Variants in EML6 observed in about 807,000 individuals in gnomAD.
EML6 encodes the protein echinoderm microtubule-associated protein-like 6.
EML6 carries 154 observed loss-of-function variants against 240.1 expected under a neutral mutation model. That is an observed-to-expected ratio of 0.64 (90% confidence interval 0.56 to 0.73). EML6 has a LOEUF of 0.73. Among genes scored for constraint, EML6 ranks in the 30% least tolerant of loss-of-function variants. The probability of loss-of-function intolerance (pLI) is 0.00; values close to 1 mark genes in which losing one functional copy is unlikely to be tolerated. For missense variants in EML6, 2,964 were observed against 2,474.6 expected, an observed-to-expected ratio of 1.20 and a Z score of -4.20; for synonymous variants, 1,148 against 899.0, an observed-to-expected ratio of 1.28 and a Z score of -4.95.
At chr2:54,855,786 C>CTT (rs562351503) in intron 11 of EML6, among the ~76,000 whole-genome samples, 110 of 152,222 alleles carry the variant, frequency 7.2e-4, no homozygotes, top group African/African-American at 2.2e-3. Flanking sequence ...GACATTCAGG[C>CTT]TTTTGTGTCC....
intron 9 of EML6, among the ~76,000 whole-genome samples, 171 bp from the exon 10 acceptor site, chr2:54,849,791 G>A (rs1323125536): frequency 1.3e-5 from 2 of 152,136 alleles, no homozygotes; most frequent in Non-Finnish European, 2.9e-5. Context: ...CCCGGCCAAT[G>A]CCATAAATTT....
intron 28 of EML6, 25 bp downstream of exon 28, chr2:54,928,776 C>G: frequency 2.6e-6 from 4 of 1,551,522 alleles, no homozygotes; most frequent in Non-Finnish European, 2.6e-6. Flanking sequence ...GGTTTGCTTG[C>G]TTTTATTATA....
chr2:54,725,286 A>G lies in EML6; in HGVS notation c.197+28A>G, dbSNP rs923622528. 2.9e-6 allele frequency: 4 copies of G among 1,365,278 alleles called. No individual in the cohort carries two copies. The highest frequency in any genetic ancestry group is 3.0e-5 in the Admixed American group (1 of 33,558). The allele number at this position is 1,365,278 out of a possible 1,614,324, so 84.6% of individuals were successfully genotyped here. A position where few individuals can be genotyped will look rare whatever the true frequency, so the allele number is the denominator to read the frequency against. The stretch of plus-strand genomic sequence containing the variant: ...AAGGGGGTGGCCAGGGGCGGCGGGG[A>G]GGGGTTGCGTGTGGAGGCTGGGAAG... On this transcript the variant is annotated intron_variant, in intron 2 of 41. Coordinates refer to ENST00000356458, the MANE Select transcript of EML6 (RefSeq NM_001039753.4). The surrounding 1 kb of genome is among the most constrained non-coding windows in gnomAD (Gnocchi z 4.3).
intron 3 of EML6, 36 bp from the exon 4 acceptor site, chr2:54,816,751 C>T: frequency 1.4e-6 from 2 of 1,413,060 alleles, no homozygotes; most frequent in Non-Finnish European, 2.0e-6. Context: ...GTCTTCCCAT[C>T]ACTTTTAGGT....
At chr2:54,830,221 A>G (rs924694368) in intron 7 of EML6, among the ~76,000 whole-genome samples, 5 of 152,186 alleles carry the variant, frequency 3.3e-5, no homozygotes, top group Non-Finnish European at 7.3e-5. Context: ...CAGCCGAGAA[A>G]GATTAAAGTG....
In EML6 at chr2:54,895,040, A is replaced by G; in HGVS notation, c.2854+14A>G. ...CTAGCTCAAAAGGTGCCACTCCCAA[A>G]CATGTAATAGAGATCTTTGTATTCA... On this transcript the variant is annotated intron_variant, in intron 20 of 41. Coordinates refer to ENST00000356458, the MANE Select transcript of EML6 (RefSeq NM_001039753.4). 6.6e-7 allele frequency: 1 copy of G among 1,519,310 alleles called. No homozygotes were observed. Among genetic ancestry groups the G allele is most frequent in the Non-Finnish European group, 8.9e-7 (1 of 1,117,490 alleles). The allele number at this position is 1,519,310 out of a possible 1,614,324, so 94.1% of individuals were successfully genotyped here. A position where few individuals can be genotyped will look rare whatever the true frequency, so the allele number is the denominator to read the frequency against.
chr2:54,907,718 G>A (rs1057265097), intron 24 of EML6, among the ~76,000 whole-genome samples: 19 of 152,078 alleles, frequency 1.2e-4, no homozygotes, highest in Admixed American at 1.2e-3. Context: ...TAAGGACATG[G>A]GTGTCTTTCA....
rs562103533 is a variant in EML6, at chr2:54,745,850, G to A, written c.197+20592G>A. Among the ~76,000 whole-genome samples the A allele has an allele frequency of 6.6e-5, 10 of 152,326 alleles. No homozygotes were observed. The South Asian group carries it at 2.1e-3, about 32-fold the overall frequency. On this transcript the variant is annotated intron_variant, in intron 2 of 41. Transcript: ENST00000356458. ...CCTTTAACTACTGAGGAGAGGAGAA[G>A]AAGCATGAAGGGGCCTGAGCAGGAG...
chr2:54,950,657 C>G lies in EML6; in HGVS notation c.4091C>G (p.Ala1364Gly). The change falls in exon 30 of 42, where the codon GCT becomes GGT. Residue 1364 changes from alanine (A) to glycine (G), a missense_variant. By Grantham distance (60) the Ala-to-Gly change is moderately conservative. Coordinates refer to ENST00000356458, the MANE Select transcript of EML6 (RefSeq NM_001039753.4). Reference sequence around the variant, plus strand: ...CTGTGTGTGTGAATGCAGGAGCTGGCTCTAGACCACGTGTTTGGCTACAGA... The same window carrying G: ...CTGTGTGTGTGAATGCAGGAGCTGGGTCTAGACCACGTGTTTGGCTACAGA... The part of the protein sequence containing the change: ...TKKKKLVEEL[A>G]LDHVFGYRGF... The G allele has an allele frequency of 1.9e-6, 3 of 1,551,604 alleles. No individual in the cohort carries two copies. The South Asian group carries it at 3.6e-5, about 18-fold the overall frequency.
chr2:54,868,449 T>C (rs757943566), intron 14 of EML6: 3 of 152,226 alleles, frequency 2.0e-5, no homozygotes, highest in Non-Finnish European at 4.4e-5. Flanking sequence ...GAGTCTATTC[T>C]CAGTTCTCAT....
At chr2:54,882,635 G>A (rs1358799829) in intron 17 of EML6, 1 of 152,036 alleles carries the variant, frequency 6.6e-6, no homozygotes, top group Non-Finnish European at 1.5e-5. Context: ...AAGGCGTGCG[G>A]ATCACGAGGT....
intron 4 of EML6, among the ~76,000 whole-genome samples, chr2:54,817,512 C>T (rs1668132785): frequency 1.3e-5 from 2 of 152,028 alleles, no homozygotes; most frequent in African/African-American, 4.8e-5. Context: ...ACTTGAATTC[C>T]TAGTTGTTTT....
At chr2:54,897,237 C>G (rs1208180663) in intron 21 of EML6, among the ~76,000 whole-genome samples, 1 of 152,146 alleles carries the variant, frequency 6.6e-6, no homozygotes, top group Admixed American at 6.5e-5. Context: ...TTTTGTTACA[C>G]TTGAGGTAGT....
rs1670232366 is a variant in EML6 at position 54,853,950 on chromosome 2, ACT to A, written c.1657+96_1657+97del. 1.2e-5 allele frequency: 8 copies of A among 656,362 alleles called. No homozygotes were observed. The East Asian group carries it at 2.5e-4, about 20-fold the overall frequency. The allele number at this position is 656,362 out of a possible 1,614,324, so 40.7% of individuals were successfully genotyped here. A position where few individuals can be genotyped will look rare whatever the true frequency, so the allele number is the denominator to read the frequency against. On this transcript the variant is annotated intron_variant, in intron 11 of 41. Coordinates refer to ENST00000356458, the MANE Select transcript of EML6 (RefSeq NM_001039753.4). ...ATCTTCCTGCTGTCTATTCCAATGC[ACT>A]GTTTATTTTATCTTGTATATTCTTA...
intron 6 of EML6, among the ~76,000 whole-genome samples, chr2:54,828,030 T>C (rs535927274): frequency 1.2e-4 from 18 of 152,370 alleles, no homozygotes; most frequent in African/African-American, 3.6e-4. Flanking sequence ...ATTCATCTTA[T>C]AGGCACTTCT....
At chr2:54,960,836 G>A (rs1396214028) in intron 35 of EML6, among the ~76,000 whole-genome samples, 1 of 152,098 alleles carries the variant, frequency 6.6e-6, no homozygotes. Flanking sequence ...TAAAGAATAT[G>A]GATGTCCGGG....
intron 7 of EML6, among the ~76,000 whole-genome samples, chr2:54,837,449 AGCACTCACGG>A (rs954432379): frequency 3.4e-4 from 52 of 152,314 alleles, no homozygotes; most frequent in Middle Eastern, 3.4e-3. Context: ...CCACCTCCTA[AGCACTCACGG>A]GCACTCACGG....
rs771846230 is a variant in EML6 at position 54,895,005 on chromosome 2, G to A, written c.2833G>A (p.Ala945Thr). 1.3e-6 allele frequency: 2 copies of A among 1,551,164 alleles called. No homozygotes were observed. Among genetic ancestry groups the A allele is most frequent in the Non-Finnish European group, 1.7e-6 (2 of 1,146,450 alleles). ...CLKTYAIKRS[A>T]LSTSSKGLLL... ...GAAGACTTATGCCATTAAAAGATCA[G>A]CATTGTCGACTAGCTCAAAAGGTGC... is the stretch of plus-strand genomic sequence containing the variant. Residue 945 changes from alanine (A) to threonine (T), a missense_variant, in exon 20 of 42, where the codon GCA becomes ACA. Coordinates refer to ENST00000356458, the MANE Select transcript of EML6 (RefSeq NM_001039753.4).
At chr2:54,808,380 C>G (rs1670607786) in intron 2 of EML6, among the ~76,000 whole-genome samples, 1 of 152,186 alleles carries the variant, frequency 6.6e-6, no homozygotes, top group Non-Finnish European at 1.5e-5. Context: ...CCCAAAGCAG[C>G]AACCTCCCCT....
Sources: allele counts gnomAD v4.1 joint callset (sites outside exome capture counted in the v4.1 genomes callset), GRCh38; gene constraint gnomAD v4.1.1; non-coding constraint Gnocchi (gnomAD v3.1); transcripts MANE v1.5; gene names NCBI Gene and HGNC (gene_info 2026-07-23, HGNC 2026-07-21).